VPS13B: variants seen among roughly 807,000 people sequenced by gnomAD.
VPS13B encodes the protein intermembrane lipid transfer protein VPS13B.
VPS13B carries 285 observed loss-of-function variants against 426.4 expected under a neutral mutation model. The ratio of observed to expected loss-of-function variants is 0.67; its 90% CI spans 0.61 to 0.74. The LOEUF (loss-of-function observed/expected upper bound fraction) is 0.74, where lower values mean the gene tolerates loss of function less well. Ranked by LOEUF, VPS13B falls within the 30% of genes least tolerant of loss-of-function variation. VPS13B has a pLI of 0.00. For synonymous variants in VPS13B, 1,676 were observed against 1,676.4 expected (o/e 1.00, Z 0.01); for missense variants, 4,537 against 4,782.6 (o/e 0.95, Z 1.51).
intron 19 of VPS13B, among the ~76,000 whole-genome samples, chr8:99,352,490 A>G (rs1811944151): frequency 6.6e-6 from 1 of 152,228 alleles, no homozygotes; most frequent in South Asian, 2.1e-4. Flanking sequence ...TTAAAAGATG[A>G]AAGAAAAATG....
At chr8:99,163,584 C>T (rs1046583815) in intron 15 of VPS13B, among the ~76,000 whole-genome samples, 7 of 152,228 alleles carry the variant, frequency 4.6e-5, no homozygotes, top group South Asian at 2.1e-4. Flanking sequence ...TCGAGCACAG[C>T]GCCGGTGGGC....
intron 51 of VPS13B, among the ~76,000 whole-genome samples, chr8:99,825,882 A>C (rs1814657035): frequency 6.6e-6 from 1 of 152,006 alleles, no homozygotes; most frequent in Admixed American, 6.5e-5. Context: ...ATGGTTGTAG[A>C]TGTGTGGTGT....
intron 17 of VPS13B, among the ~76,000 whole-genome samples, chr8:99,261,998 AAAG>A (rs1312361010): frequency 3.3e-5 from 5 of 152,198 alleles, no homozygotes; most frequent in Non-Finnish European, 7.3e-5. Flanking sequence ...TGTTTAAAAA[AAAG>A]AATTACATGT....
At chr8:99,598,886 A>G (rs1827147549) in intron 33 of VPS13B, among the ~76,000 whole-genome samples, 1 of 151,702 alleles carries the variant, frequency 6.6e-6, no homozygotes, top group African/African-American at 2.4e-5. Flanking sequence ...AAAAATTATG[A>G]TTTTTTAAAG....
At chr8:99,242,284 C>T (rs568747632) in intron 17 of VPS13B, among the ~76,000 whole-genome samples, 64 of 152,088 alleles carry the variant, frequency 4.2e-4, no homozygotes, top group Non-Finnish European at 7.4e-4. Context: ...GCGCCAGGCC[C>T]ATATATAATT....
At chr8:99,782,239 C>A (rs1373489752) in intron 42 of VPS13B, among the ~76,000 whole-genome samples, 1 of 151,998 alleles carries the variant, frequency 6.6e-6, no homozygotes, top group East Asian at 1.9e-4. Flanking sequence ...TATAATTTTA[C>A]AAATTAAATC....
At chr8:99,277,160 C>T (rs926448763) in intron 19 of VPS13B, among the ~76,000 whole-genome samples, 14 of 151,954 alleles carry the variant, frequency 9.2e-5, no homozygotes, top group African/African-American at 3.4e-4. Context: ...TTCACCTAAT[C>T]TGCAACATTA....
chr8:99,307,396 T>G (rs532970495), intron 19 of VPS13B, among the ~76,000 whole-genome samples: 8 of 152,204 alleles, frequency 5.3e-5, no homozygotes, highest in African/African-American at 1.9e-4. Flanking sequence ...CTCACAGATA[T>G]GAAAGCAAAG....
At chr8:99,797,655 C>T (rs532674067) in intron 43 of VPS13B, among the ~76,000 whole-genome samples, 1 of 152,218 alleles carries the variant, frequency 6.6e-6, no homozygotes, top group Admixed American at 6.5e-5. Flanking sequence ...CTTTGGCCTC[C>T]TTATGGCCTC....
Position 99,867,228 on chromosome 8 carries a change from T to C in VPS13B, c.11216-1061T>C, listed in dbSNP as rs146810281. The stretch of plus-strand genomic sequence containing the variant: ...AAGAAATTTTCCCTTCTTTCTGAGA[T>C]AGGGAGCCCTCCACTCCATCACGAA... On this transcript the variant is annotated intron_variant, in intron 58 of 61. Transcript: ENST00000357162. 7.0e-3 allele frequency among the ~76,000 whole-genome samples: 1,062 copies of C among 152,150 alleles called. 18 individuals are homozygous for C. Among genetic ancestry groups the C allele is most frequent in the African/African-American group, 0.025 (1,027 of 41,460 alleles).
chr8:99,243,629 A>G (rs893846547), intron 17 of VPS13B, among the ~76,000 whole-genome samples: 1 of 152,236 alleles, frequency 6.6e-6, no homozygotes, highest in Non-Finnish European at 1.5e-5. Context: ...AGAAAGGACC[A>G]AACCTCAAAT....
At chr8:99,292,204 C>G (rs1819775953) in intron 19 of VPS13B, among the ~76,000 whole-genome samples, 1 of 152,066 alleles carries the variant, frequency 6.6e-6, no homozygotes. Context: ...GTTAACAAAG[C>G]ATGGCATAAG....
intron 17 of VPS13B, among the ~76,000 whole-genome samples, chr8:99,193,665 G>A (rs1813730440): frequency 6.6e-6 from 1 of 151,986 alleles, no homozygotes; most frequent in Admixed American, 6.6e-5. Flanking sequence ...AGTTTTTAAA[G>A]GTTATAATTT....
intron 31 of VPS13B, among the ~76,000 whole-genome samples, chr8:99,563,662 A>G (rs750282480): frequency 2.0e-5 from 3 of 152,194 alleles, no homozygotes; most frequent in African/African-American, 4.8e-5. Context: ...CGAAGAAGGA[A>G]GCAGTAGATC....
chr8:99,517,749 A>G (rs931066436), intron 29 of VPS13B, among the ~76,000 whole-genome samples: 2 of 152,122 alleles, frequency 1.3e-5, no homozygotes, highest in Non-Finnish European at 2.9e-5. Flanking sequence ...CAAGGAAGGA[A>G]GGCATTCATT....
chr8:99,111,346 C>A, intron 6 of VPS13B, 67 bp downstream of exon 6: 1 of 1,301,744 alleles, frequency 7.7e-7, no homozygotes, highest in Non-Finnish European at 1.1e-6. Flanking sequence ...CTTGTGGATG[C>A]TAATCATTAT....
intron 33 of VPS13B, among the ~76,000 whole-genome samples, chr8:99,590,591 T>C (rs956185180): frequency 5.3e-5 from 8 of 152,092 alleles, no homozygotes; most frequent in Admixed American, 2.0e-4. Flanking sequence ...ATTTCGTTAT[T>C]TACCAAGTAG....
At chr8:99,403,892 A>C (rs1815187136) in intron 21 of VPS13B, among the ~76,000 whole-genome samples, 3 of 152,236 alleles carry the variant, frequency 2.0e-5, no homozygotes, top group Admixed American at 6.5e-5. Flanking sequence ...AGTCACATGA[A>C]CTAGGGAACG....
rs557120083 is a variant in VPS13B, at chr8:99,620,891, C to T, written c.5221-20920C>T. On this transcript the variant is annotated intron_variant, in intron 33 of 61. Transcript: ENST00000357162. ...AATCCCACTACTTAGGAGGCTCAGG[C>T]AGGAGATTCGCTTGAACCTGGGAGG... 2.7e-5 allele frequency among the ~76,000 whole-genome samples: 4 copies of T among 149,038 alleles called. No homozygotes were observed. In the East Asian group the frequency reaches 8.0e-4, roughly 30 times the overall value.
Sources: allele counts gnomAD v4.1 joint callset (sites outside exome capture counted in the v4.1 genomes callset), GRCh38; gene constraint gnomAD v4.1.1; transcripts MANE v1.5; gene names NCBI Gene and HGNC (gene_info 2026-07-23, HGNC 2026-07-21).